Variants in SLC5A8 observed in about 807,000 individuals in gnomAD.
The protein encoded by SLC5A8 is sodium-coupled monocarboxylate transporter 1.
SLC5A8 carries 55 observed loss-of-function variants against 71.9 expected under a neutral mutation model. The ratio of observed to expected loss-of-function variants is 0.77; its 90% CI spans 0.62 to 0.96. The LOEUF is 0.96. SLC5A8 is among the 40% of genes least tolerant of loss of function. The pLI, the probability that SLC5A8 is intolerant of heterozygous loss-of-function variation, is 0.00. For synonymous variants in SLC5A8, 307 were observed against 276.1 expected (o/e 1.11, Z -1.11); for missense variants, 701 against 745.3 (o/e 0.94, Z 0.69).
In SLC5A8 at chr12:101,158,311, A is replaced by C. The variant is rs2051686776; in HGVS notation, c.1648T>G (p.Leu550Val). The change falls in exon 14 of 15, where the codon TTA becomes GTA. Residue 550 changes from leucine (L) to valine (V), a missense_variant. Coordinates refer to ENST00000536262, the MANE Select transcript of SLC5A8 (RefSeq NM_145913.5). Reference protein sequence around the residue: ...SLSTGGRKQNLDPRYILTKED... With the variant: ...SLSTGGRKQNVDPRYILTKED... The stretch of plus-strand genomic sequence containing the variant: ...TTGGTTAGTATGTATCTGGGGTCTA[A>C]GTTCTGTTTTCTTCCTCCTGGAAAA... 6.3e-7 allele frequency: 1 copy of C among 1,585,522 alleles called. No homozygotes were observed. Among genetic ancestry groups the C allele is most frequent in the African/African-American group, 1.4e-5 (1 of 73,122 alleles).
In SLC5A8 at chr12:101,209,973, G is replaced by GA; in HGVS notation, c.-126_-125insT. ...GCGTGGCGTCCCGCGGGGACTGGAGGCGTCCTCCAGGTGTCGGCCTCCGAA... is the reference window on the plus strand; with the variant it reads ...GCGTGGCGTCCCGCGGGGACTGGAGGACGTCCTCCAGGTGTCGGCCTCCGAA... On this transcript the variant is annotated 5_prime_UTR_variant, in exon 1 of 15. Transcript: ENST00000536262. 1 of 860,626 alleles carries GA rather than the reference G, an allele frequency of 1.2e-6. No homozygotes were observed. Among genetic ancestry groups the GA allele is most frequent in the Non-Finnish European group, 1.7e-6 (1 of 597,640 alleles). 53.3% of individuals were successfully genotyped at this position (860,626 alleles called of 1,614,324 possible).
chr12:101,201,629 A>G (rs1360807297), intron 3 of SLC5A8, among the ~76,000 whole-genome samples: 6 of 152,196 alleles, frequency 3.9e-5, no homozygotes, highest in African/African-American at 1.4e-4. Flanking sequence ...GAGCAGCACA[A>G]TCTTCCTAAA....
At chr12:101,201,262 C>T (rs954311830) in intron 3 of SLC5A8, among the ~76,000 whole-genome samples, 1 of 152,162 alleles carries the variant, frequency 6.6e-6, no homozygotes, top group African/African-American at 2.4e-5. Flanking sequence ...ATTCAGAGTT[C>T]AAGAGCACCT....
intron 10 of SLC5A8, among the ~76,000 whole-genome samples, chr12:101,176,701 A>T (rs1191919041): frequency 6.6e-6 from 1 of 152,090 alleles, no homozygotes; most frequent in Non-Finnish European, 1.5e-5. Flanking sequence ...AAATCAAAAG[A>T]ATATCTCAAA....
rs372170846 is a variant in SLC5A8, at chr12:101,186,791, T to C, written c.963+595A>G. 7.0e-4 allele frequency among the ~76,000 whole-genome samples: 107 copies of C among 152,348 alleles called. 2 individuals carry two copies. In the South Asian group the frequency reaches 7.2e-3, roughly 10 times the overall value. ...ATGGTGGGTATTTGATAACTGCTCA[T>C]AGTTATTCTTACTTATTAGCAATGT... On this transcript the variant is annotated intron_variant, in intron 7 of 14. Coordinates refer to ENST00000536262, the MANE Select transcript of SLC5A8 (RefSeq NM_145913.5).
chr12:101,192,757 C>G (rs530144071), intron 5 of SLC5A8, among the ~76,000 whole-genome samples: 1 of 152,242 alleles, frequency 6.6e-6, no homozygotes, highest in South Asian at 2.1e-4. Context: ...CATACACATA[C>G]ATAGAATTAT....
At chr12:101,168,349 A>G (rs1367346681) in intron 10 of SLC5A8, among the ~76,000 whole-genome samples, 167 bp from the exon 11 acceptor site, 2 of 152,186 alleles carry the variant, frequency 1.3e-5, no homozygotes, top group African/African-American at 4.8e-5. Flanking sequence ...AGAACTTACA[A>G]GTTTCTGCAT....
rs549915686 is a variant in SLC5A8, at chr12:101,202,901, C to T, written c.418-686G>A. ...CATAAAAGCAAATTCCATGATTATTCTATAAAAGCATATTATGAAAATAAA... is the reference window on the plus strand; with the variant it reads ...CATAAAAGCAAATTCCATGATTATTTTATAAAAGCATATTATGAAAATAAA... On this transcript the variant is annotated intron_variant, in intron 2 of 14. Coordinates refer to ENST00000536262, the MANE Select transcript of SLC5A8 (RefSeq NM_145913.5). Among the ~76,000 whole-genome samples, 6 of 152,202 alleles carry T rather than the reference C, an allele frequency of 3.9e-5. No individual in the cohort carries two copies. The South Asian group carries it at 1.2e-3, about 32-fold the overall frequency.
intron 10 of SLC5A8, among the ~76,000 whole-genome samples, chr12:101,169,672 C>G (rs141738993): frequency 1.8e-4 from 27 of 152,174 alleles, no homozygotes; most frequent in Middle Eastern, 6.8e-3. Flanking sequence ...CCCAAGTGGC[C>G]AAGGAAATTT....
intron 10 of SLC5A8, among the ~76,000 whole-genome samples, chr12:101,174,090 G>A (rs951604237): frequency 3.9e-5 from 6 of 152,142 alleles, no homozygotes; most frequent in Non-Finnish European, 7.3e-5. Flanking sequence ...GACACACTAC[G>A]GAGTGTTCCG....
chr12:101,209,587 A>C lies in SLC5A8; in HGVS notation c.262T>G (p.Phe88Val). The change falls in exon 1 of 15, where the codon TTT becomes GTT. Residue 88 changes from phenylalanine (F) to valine (V), a missense_variant. Coordinates refer to ENST00000536262, the MANE Select transcript of SLC5A8 (RefSeq NM_145913.5). ...VYRFGAIFSI[F>V]AFTYFFVVVI... ...ACCACAAAGAAGTAGGTGAAGGCAA[A>C]GATGCTAAAAATGGCCCCAAAACGG... 1 of 1,614,112 alleles carries C rather than the reference A, an allele frequency of 6.2e-7. No individual in the cohort carries two copies. Among genetic ancestry groups the C allele is most frequent in the Non-Finnish European group, 8.5e-7 (1 of 1,180,032 alleles).
intron 10 of SLC5A8, among the ~76,000 whole-genome samples, chr12:101,169,591 G>C (rs963368488): frequency 6.6e-6 from 1 of 152,146 alleles, no homozygotes; most frequent in African/African-American, 2.4e-5. Flanking sequence ...GATCCTGGAG[G>C]ACCCCTGCTG....
intron 12 of SLC5A8, among the ~76,000 whole-genome samples, chr12:101,165,435 T>G (rs2051760026): frequency 6.6e-6 from 1 of 152,140 alleles, no homozygotes; most frequent in African/African-American, 2.4e-5. Flanking sequence ...CTGATGACTC[T>G]CCCAGTCCCC....
At chr12:101,206,996 G>A (rs746102664) in intron 1 of SLC5A8, among the ~76,000 whole-genome samples, 3 of 152,138 alleles carry the variant, frequency 2.0e-5, no homozygotes, top group Non-Finnish European at 2.9e-5. Flanking sequence ...GAATGCCAGG[G>A]TATCAATCAC....
chr12:101,195,633 T>A (rs986296844), intron 3 of SLC5A8, among the ~76,000 whole-genome samples: 1 of 151,494 alleles, frequency 6.6e-6, no homozygotes. Context: ...TCAAATGTAA[T>A]CTTTATAACA....
chr12:101,159,978 T>C (rs1483749827), intron 13 of SLC5A8, among the ~76,000 whole-genome samples: 1 of 152,174 alleles, frequency 6.6e-6, no homozygotes, highest in Non-Finnish European at 1.5e-5. Context: ...GGTCAGGAGT[T>C]CGAGACCAGC....
chr12:101,164,229 A>G (rs77129877), intron 12 of SLC5A8, among the ~76,000 whole-genome samples: 33,490 of 152,188 alleles, frequency 0.22, 3,859 homozygotes, highest in South Asian at 0.34. Context: ...CATATCTAGA[A>G]TATGTCATGA....
At chr12:101,197,561 T>C (rs1457672652) in intron 3 of SLC5A8, among the ~76,000 whole-genome samples, 1 of 152,160 alleles carries the variant, frequency 6.6e-6, no homozygotes, top group Non-Finnish European at 1.5e-5. Flanking sequence ...TTGTTAAACC[T>C]AGAATCTGGA....
At chr12:101,170,041 G>A (rs1307968720) in intron 10 of SLC5A8, among the ~76,000 whole-genome samples, 1 of 152,202 alleles carries the variant, frequency 6.6e-6, no homozygotes, top group African/African-American at 2.4e-5. Context: ...GAATAACTAA[G>A]GCTTAGGCAG....
Sources: gnomAD v4.1 joint callset for allele counts (sites outside exome capture counted in the v4.1 genomes callset) on GRCh38, gnomAD v4.1.1 for gene constraint, MANE v1.5 for transcripts, NCBI Gene and HGNC (gene_info 2026-07-23, HGNC 2026-07-21) for gene names.